Variants in ASIC2 observed in about 807,000 individuals in gnomAD.
The protein encoded by ASIC2 is acid-sensing ion channel 2.
In ASIC2, 25 loss-of-function variants were observed where a neutral mutation model predicts 57.3. The ratio of observed to expected loss-of-function variants is 0.44; its 90% CI spans 0.32 to 0.61. ASIC2 has a LOEUF of 0.61. ASIC2 is among the 20% of genes least tolerant of loss of function. The pLI, the probability that ASIC2 is intolerant of heterozygous loss-of-function variation, is 0.06. For missense variants in ASIC2, 641 were observed against 738.1 expected (o/e 0.87, Z 1.52); for synonymous variants, 319 against 307.5 (o/e 1.04, Z -0.39).
intron 1 of ASIC2, among the ~76,000 whole-genome samples, chr17:33,207,195 C>T (rs1392606387): frequency 6.6e-6 from 1 of 152,162 alleles, no homozygotes; most frequent in Non-Finnish European, 1.5e-5. Context: ...TCATTTAGTG[C>T]GAAGAGGACG....
At chr17:33,725,249 G>C (rs1010078023) in intron 1 of ASIC2, among the ~76,000 whole-genome samples, 1 of 152,262 alleles carries the variant, frequency 6.6e-6, no homozygotes, top group Non-Finnish European at 1.5e-5. Flanking sequence ...CATCATTAGA[G>C]AGCTGGGGAA....
upstream of ASIC2, among the ~76,000 whole-genome samples, chr17:33,294,745 T>C (rs1281387138): frequency 6.6e-6 from 1 of 152,054 alleles, no homozygotes; most frequent in Non-Finnish European, 1.5e-5. Flanking sequence ...CACACATACA[T>C]ATACACAACA....
At chr17:34,079,682 TG>T (rs1164597598) in intron 1 of ASIC2, among the ~76,000 whole-genome samples, 1 of 152,240 alleles carries the variant, frequency 6.6e-6, no homozygotes, top group Non-Finnish European at 1.5e-5. Context: ...GTCATAGGGT[TG>T]GCACTAGAAT....
chr17:33,922,677 T>C (rs574658256), intron 1 of ASIC2, among the ~76,000 whole-genome samples: 1 of 152,310 alleles, frequency 6.6e-6, no homozygotes, highest in Admixed American at 6.5e-5. Context: ...TTCTAGGAGA[T>C]AGATAGCAAT....
intron 1 of ASIC2, among the ~76,000 whole-genome samples, chr17:33,894,339 G>A (rs796354673): frequency 5.4e-3 from 277 of 50,858 alleles, no homozygotes; most frequent in African/African-American, 9.0e-3. Flanking sequence ...GCGTGCGTGC[G>A]TGCGTGCGTG....
intron 1 of ASIC2, among the ~76,000 whole-genome samples, chr17:34,031,245 C>A (rs918754032): frequency 2.6e-5 from 4 of 152,330 alleles, no homozygotes; most frequent in African/African-American, 7.2e-5. Flanking sequence ...GATACCCAGG[C>A]AAACAGGGTC....
chr17:33,039,395 C>T (rs1426069500), intron 3 of ASIC2, among the ~76,000 whole-genome samples: 2 of 152,150 alleles, frequency 1.3e-5, no homozygotes, highest in East Asian at 3.9e-4. Context: ...GGCTCGTCTT[C>T]CGCTGGGAAT....
chr17:33,493,939 T>G (rs1168828346), intron 1 of ASIC2, among the ~76,000 whole-genome samples: 2 of 152,216 alleles, frequency 1.3e-5, no homozygotes, highest in African/African-American at 2.4e-5. Context: ...GACTACCCTC[T>G]GTAGAAGTTA....
At chr17:33,532,718 C>T (rs1248833969) in intron 1 of ASIC2, among the ~76,000 whole-genome samples, 57 of 152,318 alleles carry the variant, frequency 3.7e-4, no homozygotes, top group Admixed American at 3.1e-3. Flanking sequence ...CATCTTTTCA[C>T]GAGATGATTG....
chr17:33,302,070 C>T (rs770474474), intron 1 of ASIC2, among the ~76,000 whole-genome samples: 49 of 152,190 alleles, frequency 3.2e-4, no homozygotes, highest in Non-Finnish European at 2.9e-5. Context: ...TTCGGGCCAC[C>T]TTCATAATTA....
chr17:34,095,128 C>T, intron 1 of ASIC2, among the ~76,000 whole-genome samples: 1 of 152,176 alleles, frequency 6.6e-6, no homozygotes, highest in Non-Finnish European at 1.5e-5. Context: ...TTCTTCTAGT[C>T]CTATTGTTCT....
At chr17:34,076,011 T>A (rs2079154) in intron 1 of ASIC2, among the ~76,000 whole-genome samples, 16,627 of 147,964 alleles carry the variant, frequency 0.11, 1,011 homozygotes, top group South Asian at 0.19. Flanking sequence ...TTTATTTTTA[T>A]TTTTTTTTTG....
chr17:33,851,925 G>A (rs1913776466), intron 1 of ASIC2, among the ~76,000 whole-genome samples: 1 of 152,224 alleles, frequency 6.6e-6, no homozygotes, highest in African/African-American at 2.4e-5. Context: ...TGAGAATCTT[G>A]TTGCTGTTTC....
chr17:33,267,030 T>C (rs1029424215), intron 1 of ASIC2, among the ~76,000 whole-genome samples: 1 of 152,190 alleles, frequency 6.6e-6, no homozygotes, highest in South Asian at 2.1e-4. Flanking sequence ...ATTTTAGGGG[T>C]AATCAGTTGA....
At chr17:33,797,986 G>A (rs1911970661) in intron 1 of ASIC2, among the ~76,000 whole-genome samples, 1 of 152,188 alleles carries the variant, frequency 6.6e-6, no homozygotes, top group African/African-American at 2.4e-5. Context: ...GTGTGCAAAG[G>A]AGGAAGTGGG....
At chr17:33,753,393 A>G (rs2932928) in intron 1 of ASIC2, among the ~76,000 whole-genome samples, 50,278 of 152,170 alleles carry the variant, frequency 0.33, 10,509 homozygotes, top group Non-Finnish European at 0.49. Context: ...TAGTGGACAC[A>G]CGTCATCATA....
At chr17:33,405,363 A>G (rs1388164431) in intron 1 of ASIC2, among the ~76,000 whole-genome samples, 1 of 152,128 alleles carries the variant, frequency 6.6e-6, no homozygotes, top group Non-Finnish European at 1.5e-5. Flanking sequence ...ATTTTTTCTT[A>G]CTTTCTGTAT....
At chr17:33,694,117 T>C (rs1183392932) in intron 1 of ASIC2, among the ~76,000 whole-genome samples, 1 of 152,208 alleles carries the variant, frequency 6.6e-6, no homozygotes, top group African/African-American at 2.4e-5. Flanking sequence ...GCTCTGTGAT[T>C]ACTTTCCAGA....
chr17:33,237,918 C>T (rs566711183), intron 1 of ASIC2, among the ~76,000 whole-genome samples: 7 of 152,248 alleles, frequency 4.6e-5, no homozygotes, highest in African/African-American at 1.7e-4. Context: ...GAGAACTTTT[C>T]CTGTGCCTCA....
Sources: gnomAD v4.1 joint callset for allele counts (sites outside exome capture counted in the v4.1 genomes callset) on GRCh38, gnomAD v4.1.1 for gene constraint, MANE v1.5 for transcripts, NCBI Gene and HGNC (gene_info 2026-07-23, HGNC 2026-07-21) for gene names.